The following NXPE2 variants were observed in gnomAD, a reference collection of about 807,000 sequenced individuals.
The protein encoded by NXPE2 is NXPE family member 2.
NXPE2 carries 34 observed loss-of-function variants against 34.4 expected under a neutral mutation model. The observed-to-expected ratio is 0.99, with a 90% CI of 0.75 to 1.31. The LOEUF (loss-of-function observed/expected upper bound fraction) is 1.31, where lower values mean the gene tolerates loss of function less well. Ranked by LOEUF, NXPE2 falls within the 40% of genes most tolerant of loss-of-function variation. The probability of loss-of-function intolerance (pLI) is 0.00; values close to 1 mark genes in which losing one functional copy is unlikely to be tolerated. For missense variants in NXPE2, 649 were observed against 672.5 expected, an observed-to-expected ratio of 0.97 and a Z score of 0.39; for synonymous variants, 235 against 231.3, an observed-to-expected ratio of 1.02 and a Z score of -0.15.
At chr11:114,643,454 C>T in the NXPE2 span, among the ~76,000 whole-genome samples, 8 of 152,100 alleles carry the variant, frequency 5.3e-5, 1 homozygote, top group Middle Eastern at 0.014. Context: ...GGAAGGGGTC[C>T]AGTTTCAGTT....
chr11:114,482,754 G>C, the NXPE2 span, among the ~76,000 whole-genome samples: 44 of 152,118 alleles, frequency 2.9e-4, no homozygotes, highest in Non-Finnish European at 4.9e-4. Flanking sequence ...TTTTGAATCT[G>C]AGTGCACTAA....
At chr11:114,572,150 C>G in the NXPE2 span, among the ~76,000 whole-genome samples, 7 of 152,014 alleles carry the variant, frequency 4.6e-5, no homozygotes, top group Non-Finnish European at 1.0e-4. Flanking sequence ...TCAGGAAGCC[C>G]CATTCCTAGG....
chr11:114,703,880 A>C (rs1951419856), intron 3 of NXPE2, 111 bp from the exon 4 acceptor site: 1 of 765,354 alleles, frequency 1.3e-6, no homozygotes, highest in Non-Finnish European at 2.2e-6. Context: ...ATATATCAAA[A>C]TAAGGGGGGA....
At chr11:114,541,102 T>C in the NXPE2 span, among the ~76,000 whole-genome samples, 1 of 151,968 alleles carries the variant, frequency 6.6e-6, no homozygotes, top group African/African-American at 2.4e-5. Flanking sequence ...TAACCACAGG[T>C]TGGGTCAGTT....
the NXPE2 span, among the ~76,000 whole-genome samples, chr11:114,598,409 G>A: frequency 6.7e-6 from 1 of 149,038 alleles, no homozygotes; most frequent in African/African-American, 2.5e-5. Flanking sequence ...GTGCCCCAGT[G>A]GGGACTCTGT....
chr11:114,628,480 A>G, the NXPE2 span, among the ~76,000 whole-genome samples: 4 of 152,190 alleles, frequency 2.6e-5, no homozygotes, highest in African/African-American at 9.6e-5. Flanking sequence ...AATGAGAACA[A>G]AGACACAACG....
At chr11:114,622,305 G>T in the NXPE2 span, among the ~76,000 whole-genome samples, 1 of 151,892 alleles carries the variant, frequency 6.6e-6, no homozygotes, top group Non-Finnish European at 1.5e-5. Context: ...AATAATTGTT[G>T]CCTCATGGGG....
At chr11:114,693,605 A>G (rs1951193465) in intron 2 of NXPE2, among the ~76,000 whole-genome samples, 1 of 152,206 alleles carries the variant, frequency 6.6e-6, no homozygotes, top group Admixed American at 6.5e-5. Context: ...TGCAGCCTTA[A>G]CCTAACGAAA....
the NXPE2 span, among the ~76,000 whole-genome samples, chr11:114,780,606 C>G: frequency 6.6e-6 from 1 of 152,180 alleles, no homozygotes; most frequent in African/African-American, 2.4e-5. Flanking sequence ...GGAAGTGGCC[C>G]TCTGTACTGG....
At chr11:114,633,216 TTA>T in the NXPE2 span, among the ~76,000 whole-genome samples, 11 of 132,674 alleles carry the variant, frequency 8.3e-5, no homozygotes, top group Non-Finnish European at 1.4e-4. Flanking sequence ...GTATATTACA[TTA>T]TATATATAAA....
chr11:114,529,473 A>G, the NXPE2 span: 25 of 152,354 alleles, frequency 1.6e-4, no homozygotes, highest in East Asian at 4.4e-3. Flanking sequence ...AGCCTCTGTG[A>G]GTCGGGGGAG....
the NXPE2 span, among the ~76,000 whole-genome samples, chr11:114,764,855 A>G: frequency 6.6e-6 from 1 of 152,184 alleles, no homozygotes; most frequent in East Asian, 1.9e-4. Context: ...GTTTAAAGCC[A>G]TCTTTGTGAA....
the NXPE2 span, among the ~76,000 whole-genome samples, chr11:114,750,988 G>A: frequency 9.2e-5 from 14 of 151,940 alleles, no homozygotes; most frequent in South Asian, 2.1e-4. Context: ...TTGTGGGGGT[G>A]GGGGGTGTGG....
chr11:114,796,691 G>T, the NXPE2 span, among the ~76,000 whole-genome samples: 2 of 152,204 alleles, frequency 1.3e-5, no homozygotes, highest in Non-Finnish European at 2.9e-5. Flanking sequence ...GGAATGTAAA[G>T]ATGAACACAT....
At chr11:114,521,148 G>A in the NXPE2 span, among the ~76,000 whole-genome samples, 1 of 151,698 alleles carries the variant, frequency 6.6e-6, no homozygotes, top group Non-Finnish European at 1.5e-5. Flanking sequence ...ATCTATTAGG[G>A]TTATTGATTT....
At chr11:114,603,900 C>T in the NXPE2 span, among the ~76,000 whole-genome samples, 5 of 149,996 alleles carry the variant, frequency 3.3e-5, no homozygotes, top group Non-Finnish European at 5.9e-5. Context: ...AGTATTGCCT[C>T]GTCTCCAAGG....
rs567357793 is a variant in NXPE2 at position 114,680,469 on chromosome 11, G to C, written c.132+707G>C. 5.9e-5 allele frequency among the ~76,000 whole-genome samples: 9 copies of C among 152,196 alleles called. No individual in the cohort carries two copies. In the East Asian group the frequency reaches 1.5e-3, roughly 26 times the overall value. On this transcript the variant is annotated intron_variant, in intron 2 of 5. Transcript: ENST00000389586. The stretch of plus-strand genomic sequence containing the variant: ...CGGTAATATGAACTGGTTAAAAAAA[G>C]CCTTCAGAGCACAGCTCAGAAGGTT...
the NXPE2 span, among the ~76,000 whole-genome samples, chr11:114,611,465 T>A: frequency 1.1e-4 from 16 of 151,902 alleles, no homozygotes; most frequent in Admixed American, 1.1e-3. Context: ...AAGTATTGCC[T>A]CGTGGGTAAC....
the NXPE2 span, among the ~76,000 whole-genome samples, chr11:114,761,635 G>T: frequency 7.2e-6 from 1 of 139,494 alleles, no homozygotes; most frequent in Non-Finnish European, 1.5e-5. Context: ...CGGCAGTGGC[G>T]CAATCTCGGC....
Sources: allele counts gnomAD v4.1 joint callset (sites outside exome capture counted in the v4.1 genomes callset), GRCh38; gene constraint gnomAD v4.1.1; transcripts MANE v1.5; gene names NCBI Gene and HGNC (gene_info 2026-07-23, HGNC 2026-07-21).